The following SLC35D4 variants were observed in gnomAD, a reference collection of about 807,000 sequenced individuals.
SLC35D4 encodes the protein UDP-N-acetylglucosamine transporter SLC35D4.
chr18:23,286,393 A>G, the SLC35D4 span, among the ~76,000 whole-genome samples: 1 of 152,178 alleles, frequency 6.6e-6, no homozygotes, highest in Non-Finnish European at 1.5e-5. Flanking sequence ...CCATCTGTGC[A>G]GGACCCCACT....
chr18:23,264,432 G>A, the SLC35D4 span, among the ~76,000 whole-genome samples: 1 of 146,616 alleles, frequency 6.8e-6, no homozygotes, highest in African/African-American at 2.6e-5. Flanking sequence ...GTGCGATCTC[G>A]GCTCACTGCA....
At chr18:23,251,550 C>T in the SLC35D4 span, among the ~76,000 whole-genome samples, 1 of 152,052 alleles carries the variant, frequency 6.6e-6, no homozygotes, top group African/African-American at 2.4e-5. Context: ...GGAGGAAACC[C>T]AGAAAAAAAT....
chr18:23,247,002 T>C, the SLC35D4 span, among the ~76,000 whole-genome samples: 1 of 152,202 alleles, frequency 6.6e-6, no homozygotes, highest in South Asian at 2.1e-4. Flanking sequence ...TTGCAAGTTT[T>C]TATAATTCAT....
chr18:23,253,209 A>T, the SLC35D4 span: 1 of 606,168 alleles, frequency 1.6e-6, no homozygotes, highest in Admixed American at 2.4e-5. Context: ...ACAGCCGGGC[A>T]TGGTGGCTCA....
the SLC35D4 span, among the ~76,000 whole-genome samples, chr18:23,243,497 T>C: frequency 2.6e-5 from 4 of 151,246 alleles, no homozygotes; most frequent in Admixed American, 2.6e-4. Context: ...TTTGGTCTTT[T>C]TGTTGTTGTT....
chr18:23,318,708 T>C, the SLC35D4 span, among the ~76,000 whole-genome samples: 2 of 152,240 alleles, frequency 1.3e-5, no homozygotes, highest in Non-Finnish European at 2.9e-5. Context: ...GTCAATATCA[T>C]GCTATGTGAT....
the SLC35D4 span, among the ~76,000 whole-genome samples, chr18:23,325,423 C>A: frequency 1.3e-5 from 2 of 152,018 alleles, no homozygotes; most frequent in African/African-American, 4.8e-5. Flanking sequence ...ACAAAAACCA[C>A]ACCAGGGTGG....
the SLC35D4 span, among the ~76,000 whole-genome samples, chr18:23,298,343 G>C: frequency 1.3e-5 from 2 of 152,216 alleles, no homozygotes; most frequent in African/African-American, 4.8e-5. Context: ...ACCAGGTGAG[G>C]ATGATGCACT....
At chr18:23,416,026 G>A in the SLC35D4 span, among the ~76,000 whole-genome samples, 1 of 152,270 alleles carries the variant, frequency 6.6e-6, no homozygotes, top group South Asian at 2.1e-4. Context: ...TGACCAACAC[G>A]GTGAAACCAT....
chr18:23,294,528 A>C, the SLC35D4 span, among the ~76,000 whole-genome samples: 1 of 152,216 alleles, frequency 6.6e-6, no homozygotes, highest in African/African-American at 2.4e-5. Context: ...TGCTGGTGTC[A>C]ATGTAAGAAA....
chr18:23,371,770 T>C, the SLC35D4 span, among the ~76,000 whole-genome samples: 1 of 151,784 alleles, frequency 6.6e-6, no homozygotes, highest in Non-Finnish European at 1.5e-5. Flanking sequence ...CCTCTGGTTG[T>C]ATGTACCCCC....
the SLC35D4 span, among the ~76,000 whole-genome samples, chr18:23,264,709 G>A: frequency 6.6e-6 from 1 of 151,812 alleles, no homozygotes; most frequent in South Asian, 2.1e-4. Context: ...CCCAGGTGGA[G>A]AGCAGGGGTG....
At chr18:23,428,002 C>T in the SLC35D4 span, among the ~76,000 whole-genome samples, 1 of 152,042 alleles carries the variant, frequency 6.6e-6, no homozygotes, top group Non-Finnish European at 1.5e-5. Flanking sequence ...GGAAACATCA[C>T]ACACAGGGGC....
chr18:23,307,394 T>A, the SLC35D4 span, among the ~76,000 whole-genome samples: 49 of 152,296 alleles, frequency 3.2e-4, no homozygotes, highest in South Asian at 1.9e-3. Context: ...ACAACCCAAA[T>A]CCTTGGTAAC....
chr18:23,387,733 T>TAA, the SLC35D4 span, among the ~76,000 whole-genome samples: 1 of 152,154 alleles, frequency 6.6e-6, no homozygotes, highest in Non-Finnish European at 1.5e-5. Context: ...CTTACCTTTT[T>TAA]AAAAAAACAT....
At chr18:23,294,293 T>C in the SLC35D4 span, among the ~76,000 whole-genome samples, 1 of 151,322 alleles carries the variant, frequency 6.6e-6, no homozygotes, top group Non-Finnish European at 1.5e-5. Flanking sequence ...AAAGGGAGAG[T>C]GTGGGCTTAC....
the SLC35D4 span, among the ~76,000 whole-genome samples, chr18:23,417,077 A>C: frequency 6.6e-6 from 1 of 152,032 alleles, no homozygotes; most frequent in Non-Finnish European, 1.5e-5. Flanking sequence ...CCCCATCTCT[A>C]CAGAAAATTA....
chr18:23,373,553 G>A, the SLC35D4 span, among the ~76,000 whole-genome samples: 1 of 152,168 alleles, frequency 6.6e-6, no homozygotes, highest in East Asian at 1.9e-4. Context: ...AAATGGTGTT[G>A]CCCAGGCCCA....
chr18:23,298,815 T>G, the SLC35D4 span, among the ~76,000 whole-genome samples: 1 of 152,150 alleles, frequency 6.6e-6, no homozygotes, highest in Non-Finnish European at 1.5e-5. Context: ...GGGCCCCTTT[T>G]TCAGAGGTGC....
Sources: allele counts gnomAD v4.1 joint callset (sites outside exome capture counted in the v4.1 genomes callset), GRCh38; gene constraint gnomAD v4.1.1; transcripts MANE v1.5; gene names NCBI Gene and HGNC (gene_info 2026-07-23, HGNC 2026-07-21).